GALNT13: variants seen among roughly 807,000 people sequenced by gnomAD.
GALNT13 encodes the protein UDP-GalNAc:polypeptide N-acetylgalactosaminyltransferase 13.
In GALNT13, 28 loss-of-function variants were observed where a neutral mutation model predicts 64.2. That is an observed-to-expected ratio of 0.44 (90% CI 0.32 to 0.60). The LOEUF (loss-of-function observed/expected upper bound fraction) is 0.60, where lower values mean the gene tolerates loss of function less well. GALNT13 is among the 20% of genes least tolerant of loss of function. The pLI is 0.05. For synonymous variants in GALNT13, 214 were observed against 224.6 expected (o/e 0.95, Z 0.42); for missense variants, 577 against 669.8 (o/e 0.86, Z 1.53).
At chr2:153,150,826 G>A in the GALNT13 span, among the ~76,000 whole-genome samples, 2 of 151,976 alleles carry the variant, frequency 1.3e-5, no homozygotes, top group Admixed American at 1.3e-4. Flanking sequence ...TGTTCCATTG[G>A]TTTATATCTC....
At chr2:153,913,629 T>C (rs1464215269) in intron 2 of GALNT13, among the ~76,000 whole-genome samples, 1 of 152,146 alleles carries the variant, frequency 6.6e-6, no homozygotes, top group Non-Finnish European at 1.5e-5. Context: ...GTAGAGGGGT[T>C]TCCTACTGCT....
chr2:153,970,372 C>T (rs1693658644), intron 3 of GALNT13, among the ~76,000 whole-genome samples: 1 of 152,170 alleles, frequency 6.6e-6, no homozygotes, highest in Admixed American at 6.5e-5. Flanking sequence ...GGCTGTCACA[C>T]CCTCCTGGTT....
the GALNT13 span, among the ~76,000 whole-genome samples, chr2:153,821,093 A>G: frequency 6.6e-6 from 1 of 152,132 alleles, no homozygotes; most frequent in Non-Finnish European, 1.5e-5. Flanking sequence ...GATTCTTAAA[A>G]CAAATACTTA....
the GALNT13 span, among the ~76,000 whole-genome samples, chr2:153,846,647 T>A: frequency 1.4e-4 from 21 of 152,096 alleles, no homozygotes; most frequent in Admixed American, 9.2e-4. Flanking sequence ...GATATGAAAA[T>A]ACACACTTGT....
At chr2:153,432,562 T>C in the GALNT13 span, among the ~76,000 whole-genome samples, 4 of 152,260 alleles carry the variant, frequency 2.6e-5, no homozygotes, top group Admixed American at 6.6e-5. Context: ...TTCAGATTAA[T>C]ACACACTTGG....
chr2:153,160,117 TG>T, the GALNT13 span, among the ~76,000 whole-genome samples: 215 of 152,342 alleles, frequency 1.4e-3, 1 homozygote, highest in African/African-American at 5.0e-3. Flanking sequence ...AACCATCTTG[TG>T]AGGCTCAGTT....
chr2:154,230,401 A>G (rs1042657069), intron 4 of GALNT13, among the ~76,000 whole-genome samples: 1 of 152,140 alleles, frequency 6.6e-6, no homozygotes, highest in Non-Finnish European at 1.5e-5. Flanking sequence ...GGTTACATAA[A>G]GGGAACAATT....
intron 4 of GALNT13, chr2:154,236,130 C>T: frequency 6.2e-6 from 7 of 1,135,434 alleles, no homozygotes; most frequent in Non-Finnish European, 6.7e-6. Context: ...TCTGACTTTC[C>T]CTGCTTTCGT....
the GALNT13 span, among the ~76,000 whole-genome samples, chr2:153,693,819 C>A: frequency 1.5e-4 from 23 of 152,096 alleles, no homozygotes; most frequent in African/African-American, 5.3e-4. Context: ...TATTTTACAT[C>A]TAATAAAGCA....
chr2:153,859,380 T>C, the GALNT13 span, among the ~76,000 whole-genome samples: 12 of 152,220 alleles, frequency 7.9e-5, no homozygotes, highest in Admixed American at 7.2e-4. Flanking sequence ...ACGAGAATAC[T>C]GTTCCTAACC....
intron 3 of GALNT13, among the ~76,000 whole-genome samples, chr2:153,959,599 T>A (rs1692801313): frequency 6.6e-6 from 1 of 152,200 alleles, no homozygotes; most frequent in African/African-American, 2.4e-5. Flanking sequence ...CCAAAGGCTT[T>A]TATTCCCTAG....
At chr2:153,515,282 C>A in the GALNT13 span, among the ~76,000 whole-genome samples, 1 of 152,132 alleles carries the variant, frequency 6.6e-6, no homozygotes, top group African/African-American at 2.4e-5. Flanking sequence ...CCGATGACCC[C>A]ACCTCTCTGC....
the GALNT13 span, among the ~76,000 whole-genome samples, chr2:153,703,968 T>C: frequency 3.3e-5 from 5 of 152,166 alleles, no homozygotes; most frequent in Admixed American, 3.3e-4. Flanking sequence ...ATGTTTCTAA[T>C]AACATTAACT....
intron 12 of GALNT13, among the ~76,000 whole-genome samples, chr2:154,449,975 C>A (rs191812538): frequency 9.2e-5 from 14 of 152,156 alleles, no homozygotes; most frequent in African/African-American, 1.4e-4. Context: ...GGGAACATCT[C>A]TAGCAGTTTT....
chr2:153,124,294 C>T, the GALNT13 span, among the ~76,000 whole-genome samples: 1 of 152,158 alleles, frequency 6.6e-6, no homozygotes, highest in East Asian at 1.9e-4. Context: ...CCAGAGAACT[C>T]GAGCTGTGTG....
chr2:153,371,981 C>T, the GALNT13 span, among the ~76,000 whole-genome samples: 62,213 of 151,956 alleles, frequency 0.41, 13,170 homozygotes, highest in Non-Finnish European at 0.44. Context: ...CACACACCAG[C>T]ATTTACTGGG....
chr2:153,807,769 G>T, the GALNT13 span, among the ~76,000 whole-genome samples: 4 of 151,944 alleles, frequency 2.6e-5, no homozygotes, highest in Admixed American at 2.6e-4. Context: ...GTCTTGAGAC[G>T]CTGGGATTAT....
the GALNT13 span, among the ~76,000 whole-genome samples, chr2:153,492,647 G>C: frequency 0.1 from 15,202 of 152,198 alleles, 800 homozygotes; most frequent in South Asian, 0.16. Flanking sequence ...TCACATGAAA[G>C]TGCAGATAGG....
chr2:154,238,454 C>T (rs981736159), intron 4 of GALNT13, among the ~76,000 whole-genome samples: 1 of 151,870 alleles, frequency 6.6e-6, no homozygotes, highest in Non-Finnish European at 1.5e-5. Flanking sequence ...ATAATTTGAC[C>T]ACATTTTTTT....
Sources: gnomAD v4.1 joint callset for allele counts (sites outside exome capture counted in the v4.1 genomes callset) on GRCh38, gnomAD v4.1.1 for gene constraint, MANE v1.5 for transcripts, NCBI Gene and HGNC (gene_info 2026-07-23, HGNC 2026-07-21) for gene names.